Variants in STK33 observed in about 807,000 individuals in gnomAD.
STK33 encodes serine/threonine kinase 33.
Under a neutral mutation model 58.0 loss-of-function variants are expected in STK33, and 52 were observed. The observed-to-expected ratio is 0.90, with a 90% CI of 0.72 to 1.13. The LOEUF (loss-of-function observed/expected upper bound fraction) is 1.13, where lower values mean the gene tolerates loss of function less well. Ranked by LOEUF, STK33 falls within the 50% of genes most tolerant of loss-of-function variation. The probability of loss-of-function intolerance (pLI) is 0.00; values close to 1 mark genes in which losing one functional copy is unlikely to be tolerated. For missense variants in STK33, 630 were observed against 604.2 expected (o/e 1.04, Z -0.45); for synonymous variants, 215 against 200.1 (o/e 1.07, Z -0.63).
intron 15 of STK33, among the ~76,000 whole-genome samples, chr11:8,411,138 C>A (rs964876059): frequency 7.9e-5 from 12 of 152,200 alleles, no homozygotes; most frequent in Non-Finnish European, 1.3e-4. Flanking sequence ...TCCAGTAAAG[C>A]TGATAAAGAC....
chr11:8,469,106 C>A (rs1232358428), intron 6 of STK33, among the ~76,000 whole-genome samples: 3 of 152,178 alleles, frequency 2.0e-5, no homozygotes, highest in Admixed American at 6.5e-5. Flanking sequence ...AAAAATAAGA[C>A]AACCATGAAG....
At chr11:8,405,254 T>A (rs1938906045) in intron 15 of STK33, among the ~76,000 whole-genome samples, 1 of 152,222 alleles carries the variant, frequency 6.6e-6, no homozygotes, top group Non-Finnish European at 1.5e-5. Flanking sequence ...TCTGGACTTG[T>A]TAGTTTTTAA....
intron 1 of STK33, among the ~76,000 whole-genome samples, chr11:8,525,112 T>C (rs547415782): frequency 2.0e-5 from 3 of 152,268 alleles, no homozygotes; most frequent in East Asian, 3.9e-4. Flanking sequence ...TAAAAGAATA[T>C]GTAAACAAAT....
the STK33 span, among the ~76,000 whole-genome samples, chr11:8,339,486 C>A: frequency 1.3e-5 from 2 of 152,226 alleles, no homozygotes. Context: ...CTCTAGCCAG[C>A]AGAATAATAA....
chr11:8,475,628 G>A (rs1949194484), intron 4 of STK33: 2 of 151,962 alleles, frequency 1.3e-5, no homozygotes, highest in African/African-American at 4.8e-5. Context: ...TTTTTATATT[G>A]AGCAAAAATA....
chr11:8,527,914 A>C (rs1954193387), intron 1 of STK33, among the ~76,000 whole-genome samples: 1 of 152,220 alleles, frequency 6.6e-6, no homozygotes, highest in Non-Finnish European at 1.5e-5. Context: ...CTAATTAAAT[A>C]TTTGAATTAT....
chr11:8,562,392 T>C (rs903911568), intron 1 of STK33, among the ~76,000 whole-genome samples: 2 of 152,162 alleles, frequency 1.3e-5, no homozygotes, highest in East Asian at 1.9e-4. Context: ...TTGCACTGGC[T>C]TCCTTGGGGA....
At chr11:8,336,464 G>C in the STK33 span, among the ~76,000 whole-genome samples, 1 of 152,262 alleles carries the variant, frequency 6.6e-6, no homozygotes, top group Admixed American at 6.5e-5. Context: ...TCTCTGGAGA[G>C]GGACAGAAAA....
chr11:8,577,083 T>C (rs1958240364), intron 1 of STK33, among the ~76,000 whole-genome samples: 1 of 152,146 alleles, frequency 6.6e-6, no homozygotes, highest in Non-Finnish European at 1.5e-5. Context: ...TTTGGGAGGA[T>C]AGGAGCCCTG....
chr11:8,462,823 C>T (rs1291966736), intron 7 of STK33, among the ~76,000 whole-genome samples: 2 of 152,094 alleles, frequency 1.3e-5, no homozygotes, highest in East Asian at 1.9e-4. Context: ...CTCACCATCA[C>T]CGCCCTGCCA....
At chr11:8,575,774 C>T (rs896452099) in intron 1 of STK33, among the ~76,000 whole-genome samples, 2 of 152,050 alleles carry the variant, frequency 1.3e-5, no homozygotes, top group East Asian at 1.9e-4. Context: ...TAACAGATCA[C>T]GACCAAGTAG....
chr11:8,467,642 T>C (rs1195175694), intron 6 of STK33: 1 of 152,406 alleles, frequency 6.6e-6, no homozygotes, highest in Non-Finnish European at 1.5e-5. Context: ...CTCTGTCTAT[T>C]ACCCAGTTCC....
chr11:8,406,004 A>G (rs111535812), intron 15 of STK33, among the ~76,000 whole-genome samples: 29,915 of 151,784 alleles, frequency 0.2, 3,328 homozygotes, highest in African/African-American at 0.3. Flanking sequence ...TTAGCCGGGC[A>G]TGGTGGCGGG....
the STK33 span, among the ~76,000 whole-genome samples, chr11:8,378,708 A>G: frequency 6.6e-6 from 1 of 152,100 alleles, no homozygotes; most frequent in Admixed American, 6.6e-5. Context: ...CAGCCAAACT[A>G]TATCACTGCT....
At chr11:8,440,381 T>C (rs1944587887) in intron 12 of STK33, among the ~76,000 whole-genome samples, 1 of 152,074 alleles carries the variant, frequency 6.6e-6, no homozygotes, top group African/African-American at 2.4e-5. Context: ...AAAGAAGCTT[T>C]TGGTTTGTAG....
At chr11:8,435,642 C>T (rs1943968501) in intron 13 of STK33, 63 bp from the exon 14 acceptor site, 1 of 1,051,716 alleles carries the variant, frequency 9.5e-7, no homozygotes, top group Non-Finnish European at 1.3e-6. Flanking sequence ...ATACATTTTA[C>T]AATTTTTTAG....
Position 8,392,338 on chromosome 11 carries a change from G to C in STK33, c.*172C>G, listed in dbSNP as rs779406401. On this transcript the variant is annotated 3_prime_UTR_variant, in exon 16 of 16. Transcript: ENST00000687296. ...TTTAATGCCATGTGCAGCTTATGCT[G>C]CTTTGGAGATAAGCAGCTTCAATTT... 51 of 762,924 alleles carry C rather than the reference G, an allele frequency of 6.7e-5. No individual in the cohort carries two copies. Among genetic ancestry groups the C allele is most frequent in the Non-Finnish European group, 1.0e-4 (47 of 462,694 alleles). The allele number at this position is 762,924 out of a possible 1,614,324, so 47.3% of individuals were successfully genotyped here. A position where few individuals can be genotyped will look rare whatever the true frequency, so the allele number is the denominator to read the frequency against.
downstream of STK33, among the ~76,000 whole-genome samples, chr11:8,390,074 C>T (rs188489123): frequency 2.6e-5 from 4 of 152,266 alleles, no homozygotes; most frequent in East Asian, 5.8e-4. Context: ...AATTTATTTT[C>T]ATTTTGCTCC....
intron 1 of STK33, among the ~76,000 whole-genome samples, chr11:8,546,258 T>C (rs1955904191): frequency 6.6e-6 from 1 of 152,166 alleles, no homozygotes; most frequent in South Asian, 2.1e-4. Context: ...ACTAAATTTA[T>C]TTTTAAAACT....
Sources: allele counts gnomAD v4.1 joint callset (sites outside exome capture counted in the v4.1 genomes callset), GRCh38; gene constraint gnomAD v4.1.1; transcripts MANE v1.5; gene names NCBI Gene and HGNC (gene_info 2026-07-23, HGNC 2026-07-21).